The following NPAS3 variants were observed in gnomAD, a reference collection of about 807,000 sequenced individuals.
The protein encoded by NPAS3 is neuronal PAS domain protein 3.
NPAS3 carries 14 observed loss-of-function variants against 73.1 expected under a neutral mutation model. The ratio of observed to expected loss-of-function variants is 0.19; its 90% confidence interval spans 0.13 to 0.30. The LOEUF is 0.30. NPAS3 is among the 10% of genes least tolerant of loss of function. NPAS3 has a pLI of 1.00. For synonymous variants in NPAS3, 620 were observed against 541.5 expected, an observed-to-expected ratio of 1.14 and a Z score of -2.01; for missense variants, 1,096 against 1,250.0, an observed-to-expected ratio of 0.88 and a Z score of 1.86.
intron 3 of NPAS3, among the ~76,000 whole-genome samples, chr14:33,358,404 G>A (rs755407468): frequency 5.3e-5 from 8 of 152,138 alleles, no homozygotes; most frequent in Admixed American, 1.3e-4. Flanking sequence ...ACAGTCCATC[G>A]TTGTCGCGGG....
intron 4 of NPAS3, among the ~76,000 whole-genome samples, chr14:33,401,593 A>G (rs1439002389): frequency 1.3e-5 from 2 of 152,114 alleles, no homozygotes; most frequent in African/African-American, 4.8e-5. Context: ...AACTGAGTAT[A>G]ATAATTGGAC....
At chr14:33,247,804 A>G (rs2048444789) in intron 3 of NPAS3, among the ~76,000 whole-genome samples, 1 of 152,218 alleles carries the variant, frequency 6.6e-6, no homozygotes, top group African/African-American at 2.4e-5. Flanking sequence ...ATTTTTTAGA[A>G]ATCATCCTTA....
intron 4 of NPAS3, among the ~76,000 whole-genome samples, chr14:33,372,428 A>T (rs1472734167): frequency 6.6e-6 from 1 of 152,184 alleles, no homozygotes; most frequent in African/African-American, 2.4e-5. Flanking sequence ...TTCCACTGAG[A>T]GGGAGAAAAT....
At chr14:33,069,969 G>A (rs2041427368) in intron 2 of NPAS3, among the ~76,000 whole-genome samples, 1 of 152,158 alleles carries the variant, frequency 6.6e-6, no homozygotes, top group South Asian at 2.1e-4. Flanking sequence ...AGGTGGACAT[G>A]GAAGCTGGTC....
intron 4 of NPAS3, among the ~76,000 whole-genome samples, chr14:33,494,321 T>G (rs2081522817): frequency 6.6e-6 from 1 of 152,272 alleles, no homozygotes; most frequent in South Asian, 2.1e-4. Flanking sequence ...TCTGCAAGCA[T>G]AGAAAAACAC....
intron 1 of NPAS3, among the ~76,000 whole-genome samples, chr14:33,041,292 A>G (rs1358224647): frequency 1.3e-5 from 2 of 152,222 alleles, no homozygotes; most frequent in Non-Finnish European, 2.9e-5. Flanking sequence ...TTATAAGTAC[A>G]TGAACATATT....
intron 10 of NPAS3, among the ~76,000 whole-genome samples, chr14:33,796,218 G>A (rs867849384): frequency 3.3e-5 from 5 of 152,148 alleles, no homozygotes; most frequent in African/African-American, 9.7e-5. Context: ...CAGAACCCTT[G>A]CACCCAGGCC....
chr14:33,119,283 T>C (rs2043158296), intron 2 of NPAS3, among the ~76,000 whole-genome samples: 1 of 152,118 alleles, frequency 6.6e-6, no homozygotes, highest in Non-Finnish European at 1.5e-5. Context: ...ATTTGTTTTT[T>C]TTCCACTGCC....
chr14:33,606,135 A>G (rs972872037), intron 5 of NPAS3, among the ~76,000 whole-genome samples: 5 of 151,700 alleles, frequency 3.3e-5, no homozygotes, highest in Non-Finnish European at 5.9e-5. Context: ...GGTTTGTTAC[A>G]TACGTATACA....
intron 4 of NPAS3, among the ~76,000 whole-genome samples, chr14:33,517,260 G>T (rs1040017383): frequency 9.2e-5 from 14 of 151,968 alleles, no homozygotes; most frequent in Admixed American, 6.6e-4. Flanking sequence ...TAAAGCACGG[G>T]TCATCAACCT....
At chr14:33,125,718 A>G (rs951342511) in intron 2 of NPAS3, among the ~76,000 whole-genome samples, 2 of 152,096 alleles carry the variant, frequency 1.3e-5, no homozygotes, top group African/African-American at 4.8e-5. Context: ...AGGGTATAAA[A>G]TATTTGTGGG....
intron 5 of NPAS3, among the ~76,000 whole-genome samples, chr14:33,597,948 C>T (rs542192970): frequency 1.3e-5 from 2 of 152,136 alleles, no homozygotes; most frequent in East Asian, 3.9e-4. Flanking sequence ...AAAAGTATAC[C>T]CATGCTTCCT....
chr14:33,330,581 T>C (rs1415565719), intron 3 of NPAS3, among the ~76,000 whole-genome samples: 1 of 152,224 alleles, frequency 6.6e-6, no homozygotes. Context: ...TTTAGAAGGC[T>C]AACTCTATTC....
intron 2 of NPAS3, among the ~76,000 whole-genome samples, chr14:33,125,437 A>AT (rs5807704): frequency 2.2e-4 from 33 of 151,620 alleles, no homozygotes; most frequent in South Asian, 1.5e-3. Flanking sequence ...AAAAAATGAG[A>AT]TTTTTTTTTC....
intron 3 of NPAS3, among the ~76,000 whole-genome samples, chr14:33,319,887 C>T (rs2043363679): frequency 6.6e-6 from 1 of 152,104 alleles, no homozygotes; most frequent in Non-Finnish European, 1.5e-5. Flanking sequence ...TATTTTTCAT[C>T]CTTGTGTTAC....
chr14:33,398,961 C>T (rs1014518837), intron 4 of NPAS3, among the ~76,000 whole-genome samples: 2 of 152,072 alleles, frequency 1.3e-5, no homozygotes, highest in African/African-American at 4.8e-5. Context: ...ACAAGCCTTT[C>T]ACACTTTCCC....
chr14:33,132,761 A>C (rs529224563), intron 2 of NPAS3, among the ~76,000 whole-genome samples: 2 of 152,178 alleles, frequency 1.3e-5, no homozygotes, highest in Non-Finnish European at 2.9e-5. Context: ...ATTTGACTGA[A>C]TCATCAGTGT....
intron 2 of NPAS3, among the ~76,000 whole-genome samples, chr14:33,143,063 C>A (rs1241726564): frequency 6.6e-6 from 1 of 152,164 alleles, no homozygotes; most frequent in African/African-American, 2.4e-5. Context: ...TGAGGTCATG[C>A]CATTGCACTC....
intron 4 of NPAS3, among the ~76,000 whole-genome samples, chr14:33,553,729 A>C (rs894217512): frequency 6.6e-6 from 1 of 152,232 alleles, no homozygotes; most frequent in African/African-American, 2.4e-5. Context: ...GAGAAAATAT[A>C]CTTGACTTAG....
Sources: allele counts gnomAD v4.1 joint callset (sites outside exome capture counted in the v4.1 genomes callset), GRCh38; gene constraint gnomAD v4.1.1; transcripts MANE v1.5; gene names NCBI Gene and HGNC (gene_info 2026-07-23, HGNC 2026-07-21).